Variants in MEIG1 observed in about 807,000 individuals in gnomAD.
The protein encoded by MEIG1 is meiosis expressed gene 1 protein homolog.
A neutral mutation model predicts 11.3 loss-of-function variants in MEIG1; 12 were observed. The ratio of observed to expected loss-of-function variants is 1.07; its 90% CI spans 0.68 to 1.73. The LOEUF is 1.73. Among genes scored for constraint, MEIG1 ranks in the 40% most tolerant of loss-of-function variants. MEIG1 has a pLI of 0.00. For synonymous variants in MEIG1, 41 were observed against 33.2 expected, an observed-to-expected ratio of 1.24 and a Z score of -0.81; for missense variants, 119 against 104.9, an observed-to-expected ratio of 1.13 and a Z score of -0.59.
At chr10:14,971,586 A>G (rs1843151623) in intron 2 of MEIG1, among the ~76,000 whole-genome samples, 2 of 152,092 alleles carry the variant, frequency 1.3e-5, no homozygotes, top group African/African-American at 4.8e-5. Context: ...ATTGGGGCAG[A>G]AGGAAATGCA....
chr10:14,984,208 G>A (rs1214320914), intron 1 of MEIG1, among the ~76,000 whole-genome samples: 4 of 151,050 alleles, frequency 2.6e-5, no homozygotes, highest in South Asian at 2.1e-4. Flanking sequence ...CGCATCGTGG[G>A]GGGAGCCCAC....
exon 2 of MEIG1, chr10:14,986,992 AC>A (rs1403572060): frequency 3.0e-6 from 2 of 677,048 alleles, no homozygotes; most frequent in Non-Finnish European, 4.8e-6. Flanking sequence ...GAAAAAGGAC[AC>A]CAAAACGAAG....
At position 14,979,877 on chromosome 10, in the gene MEIG1, G is replaced by A. The variant is rs190574219; in HGVS notation, n.67-6919G>A. Among the ~76,000 whole-genome samples, 421 of 152,064 alleles carry A rather than the reference G, an allele frequency of 2.8e-3. 1 individual carries two copies. Among genetic ancestry groups the A allele is most frequent in the Non-Finnish European group, 5.0e-3 (342 of 67,964 alleles). ...GGGTGTACACACTGTGATACTATTCGTTATATCGTAGAAGTATATTATTTC... is the reference window on the plus strand; with the variant it reads ...GGGTGTACACACTGTGATACTATTCATTATATCGTAGAAGTATATTATTTC... On this transcript the variant is annotated intron_variant and non_coding_transcript_variant, in intron 1 of 2. Coordinates refer to the MEIG1 transcript ENST00000467536.
At chr10:14,987,386 T>C (rs1843330333) in intron 2 of MEIG1, 5 of 754,078 alleles carry the variant, frequency 6.6e-6, no homozygotes, top group Non-Finnish European at 1.2e-5. Context: ...CAGTTCTGGA[T>C]CCTCTGAGAG....
At chr10:14,977,240 G>A (rs527922221), downstream of MEIG1, among the ~76,000 whole-genome samples, 4 of 152,028 alleles carry the variant, frequency 2.6e-5, no homozygotes, top group South Asian at 6.2e-4. Flanking sequence ...ATATTCTAGC[G>A]AGATGATACT....
At chr10:14,982,326 C>T (rs1488273085) in intron 1 of MEIG1, among the ~76,000 whole-genome samples, 2 of 152,024 alleles carry the variant, frequency 1.3e-5, no homozygotes, top group East Asian at 3.9e-4. Flanking sequence ...GTTCGTGGTA[C>T]CTGGGTCCTT....
At chr10:14,983,631 C>T (rs540002765) in intron 1 of MEIG1, among the ~76,000 whole-genome samples, 1 of 151,988 alleles carries the variant, frequency 6.6e-6, no homozygotes, top group Non-Finnish European at 1.5e-5. Context: ...AACCCGTGTA[C>T]TATTGCTGCT....
At chr10:14,973,678 G>A (rs1207368336), downstream of MEIG1, among the ~76,000 whole-genome samples, 1 of 147,996 alleles carries the variant, frequency 6.8e-6, no homozygotes. Context: ...GCTGAGGCAG[G>A]AGAATGGTGT....
chr10:14,962,695 C>T (rs2131261736), intron 1 of MEIG1, among the ~76,000 whole-genome samples: 1 of 151,902 alleles, frequency 6.6e-6, no homozygotes, highest in East Asian at 1.9e-4. Context: ...ACTACATGTG[C>T]TTCATCTGTA....
chr10:14,964,306 A>C (rs148219541), intron 1 of MEIG1, among the ~76,000 whole-genome samples: 3,755 of 152,002 alleles, frequency 0.025, 68 homozygotes, highest in Non-Finnish European at 0.04. Flanking sequence ...TACATCTTTC[A>C]TATTGAAGAA....
chr10:14,960,396 T>G (rs1312154393), intron 1 of MEIG1, among the ~76,000 whole-genome samples: 1 of 152,044 alleles, frequency 6.6e-6, no homozygotes, highest in Non-Finnish European at 1.5e-5. Flanking sequence ...GTCAGGGAGT[T>G]GAGATGGTGT....
intron 1 of MEIG1, among the ~76,000 whole-genome samples, chr10:14,978,968 A>C (rs1415312573): frequency 6.6e-6 from 1 of 151,982 alleles, no homozygotes; most frequent in Non-Finnish European, 1.5e-5. Flanking sequence ...GTCGTATTCT[A>C]GGGGATTGTG....
downstream of MEIG1, among the ~76,000 whole-genome samples, chr10:14,976,467 G>A (rs1236238714): frequency 2.0e-5 from 3 of 151,948 alleles, no homozygotes; most frequent in African/African-American, 7.3e-5. Flanking sequence ...TGTTCGCTTT[G>A]ATATTATTCA....
rs571985988 is a variant in MEIG1 at position 14,967,530 on chromosome 10, A to G, written c.138+924A>G. ...TTTTTTTTTTTTTTTTTTGAGACAG[A>G]GTCTCACTCTGTCACCCAGGCTGGA... On this transcript the variant is annotated intron_variant, in intron 2 of 2. Coordinates refer to ENST00000407572, the MANE Select transcript of MEIG1 (RefSeq NM_001080836.3). Among the ~76,000 whole-genome samples, 11 of 145,676 alleles carry G rather than the reference A, an allele frequency of 7.6e-5. No individual in the cohort carries two copies. In the South Asian group the frequency reaches 2.2e-3, roughly 29 times the overall value.
chr10:14,976,596 A>G (rs534259128), downstream of MEIG1, among the ~76,000 whole-genome samples: 1 of 152,180 alleles, frequency 6.6e-6, no homozygotes, highest in East Asian at 1.9e-4. Context: ...ACTCTGTGAT[A>G]TTATCGTCCT....
rs895124752 is a variant in MEIG1, at chr10:14,972,511, A to G, written c.139-2A>G. 1.2e-6 allele frequency: 2 copies of G among 1,613,922 alleles called. No homozygotes were observed. Among genetic ancestry groups the G allele is most frequent in the African/African-American group, 1.3e-5 (1 of 74,940 alleles). Reference sequence around the variant, plus strand: ...GTTTGTACTCTGGTTCTTGATGTGCAGGTAGATCGTTGGCCGGAGACAGGA... The same window carrying G: ...GTTTGTACTCTGGTTCTTGATGTGCGGGTAGATCGTTGGCCGGAGACAGGA... On this transcript the variant is annotated splice_acceptor_variant, in intron 2 of 2. Transcript: ENST00000407572. LOFTEE classifies it high-confidence loss of function.
chr10:14,987,168 T>C (rs1843326821), intron 2 of MEIG1: 3 of 920,870 alleles, frequency 3.3e-6, no homozygotes, highest in African/African-American at 1.7e-5. Context: ...ATGACTCTGC[T>C]ATGCGACTGC....
At chr10:14,958,384 G>GTTAATATAA (rs1842972823), upstream of MEIG1, among the ~76,000 whole-genome samples, 1 of 152,140 alleles carries the variant, frequency 6.6e-6, no homozygotes, top group Non-Finnish European at 1.5e-5. Flanking sequence ...AATTTAATTT[G>GTTAATATAA]TGATATGTCT....
intron 1 of MEIG1, among the ~76,000 whole-genome samples, chr10:14,961,700 G>A (rs962247308): frequency 2.8e-5 from 4 of 144,102 alleles, no homozygotes; most frequent in African/African-American, 7.7e-5. Context: ...GGCTGGTCTC[G>A]AACCCTTGAC....
Sources: gnomAD v4.1 joint callset for allele counts (sites outside exome capture counted in the v4.1 genomes callset) on GRCh38, gnomAD v4.1.1 for gene constraint, MANE v1.5 for transcripts, NCBI Gene and HGNC (gene_info 2026-07-23, HGNC 2026-07-21) for gene names.